LPAR1: variants seen among roughly 807,000 people sequenced by gnomAD.
LPAR1 encodes lysophosphatidic acid receptor 1, also known as LPA receptor 1.
In LPAR1, 5 loss-of-function variants were observed where a neutral mutation model predicts 23.8. The ratio of observed to expected loss-of-function variants is 0.21; its 90% CI spans 0.11 to 0.44. The LOEUF (loss-of-function observed/expected upper bound fraction) is 0.44, where lower values mean the gene tolerates loss of function less well. LPAR1 is among the 20% of genes least tolerant of loss of function. The pLI, the probability that LPAR1 is intolerant of heterozygous loss-of-function variation, is 0.99. For synonymous variants in LPAR1, 160 were observed against 164.7 expected, an observed-to-expected ratio of 0.97 and a Z score of 0.22; for missense variants, 311 against 482.8, an observed-to-expected ratio of 0.64 and a Z score of 3.33.
At chr9:110,884,354 A>G (rs548121268) in intron 5 of LPAR1, among the ~76,000 whole-genome samples, 2 of 152,260 alleles carry the variant, frequency 1.3e-5, no homozygotes, top group South Asian at 4.1e-4. Context: ...TCCCTTTGTA[A>G]TATGCTCTCA....
chr9:110,965,746 A>G (rs2096194500), intron 4 of LPAR1, among the ~76,000 whole-genome samples: 1 of 152,206 alleles, frequency 6.6e-6, no homozygotes, highest in Non-Finnish European at 1.5e-5. Context: ...CAGAAATACC[A>G]TCTGACCCAG....
chr9:110,941,664 C>T lies in LPAR1; in HGVS notation c.550G>A (p.Val184Met). 6.2e-7 allele frequency: 1 copy of T among 1,614,214 alleles called. No homozygotes were observed. The highest frequency in any genetic ancestry group is 8.5e-7 in the Non-Finnish European group (1 of 1,180,028). ...ATATCACAGATACAGTTCCAGCCCA[C>T]ACTGGGTATAGCACCCATAACGATG... ...MAIVMGAIPS[V>M]GWNCICDIEN... Residue 184 changes from valine to methionine, a missense_variant, in exon 5 of 6, where the codon GTG (valine) becomes ATG (methionine). Transcript: ENST00000683809. This position sits in a 1 kb window ranked among gnomAD's most constrained non-coding sequence, Gnocchi z 6.1.
At chr9:110,889,541 A>T (rs1045894879) in intron 5 of LPAR1, among the ~76,000 whole-genome samples, 1 of 152,224 alleles carries the variant, frequency 6.6e-6, no homozygotes, top group Non-Finnish European at 1.5e-5. Flanking sequence ...TAGTATTGCC[A>T]TGGCTAAAGA....
chr9:111,007,546 T>G (rs1370944731), intron 2 of LPAR1, among the ~76,000 whole-genome samples: 5 of 152,154 alleles, frequency 3.3e-5, no homozygotes, highest in African/African-American at 1.2e-4. Flanking sequence ...CTTAAAGTGA[T>G]TAAATAATCT....
intron 2 of LPAR1, among the ~76,000 whole-genome samples, chr9:111,000,351 G>T (rs891561155): frequency 6.6e-6 from 1 of 152,140 alleles, no homozygotes; most frequent in African/African-American, 2.4e-5. Flanking sequence ...AAATCTCTTA[G>T]TATTGACTTG....
chr9:110,997,971 T>C (rs894714689), intron 2 of LPAR1, among the ~76,000 whole-genome samples: 5 of 152,176 alleles, frequency 3.3e-5, no homozygotes, highest in Non-Finnish European at 5.9e-5. Flanking sequence ...GGTTCTCAAA[T>C]TGTAATATGT....
intron 2 of LPAR1, among the ~76,000 whole-genome samples, chr9:111,025,091 T>C (rs1204764087): frequency 6.6e-6 from 1 of 152,222 alleles, no homozygotes; most frequent in African/African-American, 2.4e-5. Flanking sequence ...GGTCAAATGG[T>C]ATTTCTGGTT....
intron 4 of LPAR1, among the ~76,000 whole-genome samples, chr9:110,967,640 C>T (rs1270911218): frequency 3.9e-5 from 6 of 152,144 alleles, no homozygotes; most frequent in Non-Finnish European, 8.8e-5. Context: ...CAATACCAGG[C>T]TAAGGTGACT....
intron 2 of LPAR1, among the ~76,000 whole-genome samples, chr9:111,004,190 T>C (rs921561750): frequency 2.0e-5 from 3 of 152,180 alleles, no homozygotes; most frequent in Admixed American, 1.3e-4. Context: ...TTGCAAGATA[T>C]CTCTCCCATT....
At chr9:110,902,037 T>A (rs2089316162) in intron 5 of LPAR1, among the ~76,000 whole-genome samples, 1 of 151,506 alleles carries the variant, frequency 6.6e-6, no homozygotes, top group Admixed American at 6.6e-5. Context: ...GCCAGAGAAC[T>A]CCAAAAGGTG....
intron 2 of LPAR1, among the ~76,000 whole-genome samples, chr9:111,013,681 G>C (rs1275601646): frequency 6.6e-6 from 1 of 151,424 alleles, no homozygotes; most frequent in South Asian, 2.1e-4. Context: ...ATTCCAAAAA[G>C]AAAAAGAAAA....
At chr9:110,945,204 T>C (rs1006797180) in intron 4 of LPAR1, among the ~76,000 whole-genome samples, 3 of 152,190 alleles carry the variant, frequency 2.0e-5, no homozygotes, top group Non-Finnish European at 2.9e-5. Context: ...TGGGCTTTCC[T>C]ACTTCTTCAG....
At position 110,968,296 on chromosome 9, in the gene LPAR1, C is replaced by T. The variant is rs138291774; in HGVS notation, c.45+3777G>A. Among the ~76,000 whole-genome samples, 10 of 152,240 alleles carry T rather than the reference C, an allele frequency of 6.6e-5. No individual in the cohort carries two copies. The South Asian group carries it at 1.7e-3, about 25-fold the overall frequency. On this transcript the variant is annotated intron_variant, in intron 4 of 5. Transcript: ENST00000683809. ...GCTGCTGGCATGAAGTCAATTGGCT[C>T]GCGAAATTCCTGAAAATTTAACAAT... is the stretch of plus-strand genomic sequence containing the variant.
intron 4 of LPAR1, among the ~76,000 whole-genome samples, chr9:110,968,114 T>C (rs1299860983): frequency 1.3e-5 from 2 of 152,214 alleles, no homozygotes; most frequent in Non-Finnish European, 1.5e-5. Context: ...GCTGGGACCA[T>C]TAAGCTAACA....
chr9:110,975,663 G>A (rs1363352491), intron 2 of LPAR1, among the ~76,000 whole-genome samples: 1 of 152,176 alleles, frequency 6.6e-6, no homozygotes, highest in Non-Finnish European at 1.5e-5. Context: ...AAAGTCAGAT[G>A]ACCTGCAGAG....
intron 2 of LPAR1, among the ~76,000 whole-genome samples, chr9:110,998,446 A>G (rs772837400): frequency 2.0e-5 from 3 of 152,212 alleles, no homozygotes; most frequent in Non-Finnish European, 2.9e-5. Context: ...GAATTATTCA[A>G]TAAAGACTGT....
rs372205420 is a variant in LPAR1, at chr9:111,017,639, G to C, written c.-182+18483C>G. Among the ~76,000 whole-genome samples the C allele has an allele frequency of 3.9e-5, 6 of 152,270 alleles. No individual in the cohort carries two copies. In the East Asian group the frequency reaches 9.7e-4, roughly 24 times the overall value. On this transcript the variant is annotated intron_variant, in intron 2 of 5. Coordinates refer to ENST00000683809, the MANE Select transcript of LPAR1 (RefSeq NM_001351411.2). The stretch of plus-strand genomic sequence containing the variant: ...TTTGCTATTCATTTTTAGAGCACTT[G>C]CTCCATTTTCTAGTAGTTAACCAGT...
rs1427173059 is a variant in LPAR1 at position 110,873,783 on chromosome 9, C to A, written c.*1638G>T. On this transcript the variant is annotated 3_prime_UTR_variant, in exon 6 of 6. Coordinates refer to ENST00000683809, the MANE Select transcript of LPAR1 (RefSeq NM_001351411.2). ...GATGGACCCACACTAATTGATATGACAATCCTTTATTCACTCGGCACATTT... is the reference window on the plus strand; with the variant it reads ...GATGGACCCACACTAATTGATATGAAAATCCTTTATTCACTCGGCACATTT... 1 of 152,222 alleles carries A rather than the reference C, an allele frequency of 6.6e-6. No homozygotes were observed. Among genetic ancestry groups the A allele is most frequent in the East Asian group, 1.9e-4 (1 of 5,198 alleles). 9.4% of individuals were successfully genotyped at this position (152,222 alleles called of 1,614,324 possible). A position where few individuals can be genotyped will look rare whatever the true frequency, so the allele number is the denominator to read the frequency against.
chr9:110,900,404 A>G (rs974478683), intron 5 of LPAR1, among the ~76,000 whole-genome samples: 1 of 152,122 alleles, frequency 6.6e-6, no homozygotes, highest in Non-Finnish European at 1.5e-5. Flanking sequence ...AGTGGTCCGT[A>G]TTTCTCACTC....
Sources: gnomAD v4.1 joint callset for allele counts (sites outside exome capture counted in the v4.1 genomes callset) on GRCh38, gnomAD v4.1.1 for gene constraint, Gnocchi (gnomAD v3.1) non-coding constraint, MANE v1.5 for transcripts, NCBI Gene and HGNC (gene_info 2026-07-23, HGNC 2026-07-21) for gene names.